SNX14: variants seen among roughly 807,000 people sequenced by gnomAD.
The protein encoded by SNX14 is sorting nexin 14.
A neutral mutation model predicts 133.8 loss-of-function variants in SNX14; 93 were observed. The observed-to-expected ratio is 0.70, with a 90% CI of 0.59 to 0.83. The LOEUF (loss-of-function observed/expected upper bound fraction) is 0.83. Among genes scored for constraint, SNX14 ranks in the 40% least tolerant of loss-of-function variants. The pLI is 0.00. For missense variants in SNX14, 945 were observed against 1,094.9 expected (o/e 0.86, Z 1.93); for synonymous variants, 368 against 365.6 (o/e 1.01, Z -0.07).
intron 7 of SNX14, among the ~76,000 whole-genome samples, chr6:85,557,037 C>G (rs1200317859): frequency 6.6e-6 from 1 of 152,146 alleles, no homozygotes; most frequent in Non-Finnish European, 1.5e-5. Context: ...AGCTATTTCA[C>G]TGCTGTAGGA....
chr6:85,548,610 T>C (rs1026766714), intron 8 of SNX14, among the ~76,000 whole-genome samples: 24 of 152,104 alleles, frequency 1.6e-4, no homozygotes, highest in East Asian at 3.8e-4. Flanking sequence ...TTGGCTAAAA[T>C]AGAATATTAC....
chr6:85,529,280 G>C (rs1220513719), intron 19 of SNX14, among the ~76,000 whole-genome samples: 1 of 145,224 alleles, frequency 6.9e-6, no homozygotes, highest in Non-Finnish European at 1.5e-5. Flanking sequence ...AATGAAGGAA[G>C]GAAGGAAATA....
chr6:85,544,370 G>A (rs563889116), intron 12 of SNX14, among the ~76,000 whole-genome samples: 144 of 152,014 alleles, frequency 9.5e-4, no homozygotes, highest in African/African-American at 3.3e-3. Flanking sequence ...AAAAAAAGCT[G>A]GAATACAGGA....
chr6:85,575,973 TA>T (rs1797195043), intron 1 of SNX14, among the ~76,000 whole-genome samples: 1 of 152,246 alleles, frequency 6.6e-6, no homozygotes, highest in Non-Finnish European at 1.5e-5. Flanking sequence ...TATAACACTT[TA>T]ATTCTCAATG....
At chr6:85,533,845 T>C (rs1440680807) in intron 17 of SNX14, 45 bp from the exon 18 acceptor site, 1 of 1,471,044 alleles carries the variant, frequency 6.8e-7, no homozygotes, top group African/African-American at 1.4e-5. Context: ...CCAATACCTT[T>C]AGAACTACAG....
intron 7 of SNX14, among the ~76,000 whole-genome samples, chr6:85,556,740 A>G (rs1388764595): frequency 1.3e-5 from 2 of 152,138 alleles, no homozygotes; most frequent in Non-Finnish European, 2.9e-5. Flanking sequence ...GGCATGAGCC[A>G]CCATGCTCAC....
intron 1 of SNX14, among the ~76,000 whole-genome samples, chr6:85,580,385 G>A (rs914368534): frequency 4.6e-5 from 7 of 152,132 alleles, no homozygotes; most frequent in African/African-American, 1.2e-4. Context: ...GAGGTATGCC[G>A]GCCTCAGGTG....
At position 85,514,125 on chromosome 6, in the gene SNX14, T is replaced by C. The variant is rs767555932; in HGVS notation, c.2502A>G (p.Lys834=). Residue 834 remains lysine, a synonymous_variant, in exon 25 of 29, where the codon AAA becomes AAG. Transcript: ENST00000314673. ...GGTGCTCCTGAAATAGCTGTTCTAG[T>C]TTACACTGAAGATAGTAATCAGTAT... ...EMYTDYYLQC[K]LEQLFQEHRL... is the part of the protein sequence containing the mutation. 6.2e-7 allele frequency: 1 copy of C among 1,613,982 alleles called. No individual in the cohort carries two copies. Among genetic ancestry groups the C allele is most frequent in the Non-Finnish European group, 8.5e-7 (1 of 1,179,932 alleles).
chr6:85,517,312 G>A (rs1343329518), intron 23 of SNX14, among the ~76,000 whole-genome samples: 1 of 152,162 alleles, frequency 6.6e-6, no homozygotes, highest in South Asian at 2.1e-4. Context: ...TGAGGACAAG[G>A]AATGTATCCT....
At chr6:85,543,157 A>G in intron 14 of SNX14, 25 bp downstream of exon 14, 1 of 1,505,566 alleles carries the variant, frequency 6.6e-7, no homozygotes, top group Non-Finnish European at 8.8e-7. Context: ...AAAAATCCTC[A>G]AACAAGGTTA....
chr6:85,593,629 C>G lies in SNX14; in HGVS notation c.90G>C (p.Leu30=), dbSNP rs1489679558. The change falls in exon 1 of 29, where the codon CTG becomes CTC. Residue 30 remains leucine (L), a synonymous_variant. Transcript: ENST00000314673. ...TGAGACAGAGCAGCAGGAAGCAGAA[C>G]AGCGGGTACTGGCGGCAGATCTCGC... ...VGREICRQYP[L]FCFLLLCLSA... 4 of 1,613,520 alleles carry G rather than the reference C, an allele frequency of 2.5e-6. No homozygotes were observed. Among genetic ancestry groups the G allele is most frequent in the East Asian group, 2.2e-5 (1 of 44,870 alleles).
chr6:85,554,764 A>T (rs991904627), intron 7 of SNX14, among the ~76,000 whole-genome samples: 1 of 152,164 alleles, frequency 6.6e-6, no homozygotes, highest in Non-Finnish European at 1.5e-5. Flanking sequence ...CCCCTCTCAC[A>T]AAAATTCAAT....
In SNX14 at chr6:85,593,838, A is replaced by T; in HGVS notation, c.-120T>A. ...GCGGCGCACACAGACGCCTACCGGC[A>T]GTTAGCCGCCGCAGGCTGAGGTCGC... On this transcript the variant is annotated 5_prime_UTR_variant, in exon 1 of 29. Coordinates refer to ENST00000314673, the MANE Select transcript of SNX14 (RefSeq NM_153816.6). The T allele has an allele frequency of 6.6e-7, 1 of 1,511,490 alleles. No individual in the cohort carries two copies. Among genetic ancestry groups the T allele is most frequent in the Non-Finnish European group, 8.8e-7 (1 of 1,134,782 alleles). The allele number at this position is 1,511,490 out of a possible 1,614,324, so 93.6% of individuals were successfully genotyped here. A position where few individuals can be genotyped will look rare whatever the true frequency, so the allele number is the denominator to read the frequency against.
At position 85,548,429 on chromosome 6, in the gene SNX14, T is replaced by C. The variant is rs186772703; in HGVS notation, c.792-53A>G. ...TATATTTAGTGATTTATATTAGTTCTTAACTTTCAAGTGCATGTGAATTAC... is the reference window on the plus strand; with the variant it reads ...TATATTTAGTGATTTATATTAGTTCCTAACTTTCAAGTGCATGTGAATTAC... On this transcript the variant is annotated intron_variant, in intron 8 of 28. Transcript: ENST00000314673. 1.2e-5 allele frequency: 16 copies of C among 1,364,220 alleles called. No homozygotes were observed. The East Asian group carries it at 3.7e-4, about 32-fold the overall frequency. The allele number at this position is 1,364,220 out of a possible 1,614,324, so 84.5% of individuals were successfully genotyped here.
chr6:85,517,570 A>C, intron 23 of SNX14, 186 bp downstream of exon 23: 6 of 518,438 alleles, frequency 1.2e-5, no homozygotes, highest in Non-Finnish European at 1.8e-5. Flanking sequence ...CATTTACCAC[A>C]TTAAAGCAAA....
chr6:85,584,912 G>T (rs1219423731), intron 1 of SNX14, among the ~76,000 whole-genome samples: 1 of 152,158 alleles, frequency 6.6e-6, no homozygotes. Flanking sequence ...TATACCCAAA[G>T]AATTATAAAT....
intron 26 of SNX14, among the ~76,000 whole-genome samples, chr6:85,510,396 T>G (rs1436014028): frequency 1.3e-5 from 2 of 152,198 alleles, no homozygotes; most frequent in Non-Finnish European, 2.9e-5. Context: ...TAGAACATCT[T>G]TTCATATGCT....
intron 23 of SNX14, among the ~76,000 whole-genome samples, chr6:85,515,816 C>T (rs1049987736): frequency 2.6e-5 from 4 of 151,570 alleles, no homozygotes; most frequent in South Asian, 2.1e-4. Flanking sequence ...GTCTGGAAAA[C>T]GGGAAAAACA....
At position 85,536,898 on chromosome 6, in the gene SNX14, A is replaced by G. The variant is rs1228694376; in HGVS notation, c.1502T>C (p.Phe501Ser). 6.2e-7 allele frequency: 1 copy of G among 1,613,206 alleles called. No individual in the cohort carries two copies. The highest frequency in any genetic ancestry group is 1.1e-5 in the South Asian group (1 of 91,016). Residue 501 changes from phenylalanine to serine, a missense_variant, in exon 17 of 29, where the codon TTT (phenylalanine) becomes TCT (serine). Physicochemically the swap from Phe to Ser is radical, Grantham distance 155 (BLOSUM62 -2). Around this residue, in one of 3 missense-constraint regions of SNX14, gnomAD observed 412 missense variants for 516.6 expected, o/e 0.80. Transcript: ENST00000314673. ...FRNTQKRGES[F>S]GISRIGSKIK... The stretch of plus-strand genomic sequence containing the variant: ...TTTGCTACCTATTCTGCTGATTCCA[A>G]ATGATTCTCCCCTTTTCTGTGTGTT...
Sources: gnomAD v4.1 joint callset for allele counts (sites outside exome capture counted in the v4.1 genomes callset) on GRCh38, gnomAD v4.1.1 for gene constraint, gnomAD v4.1.1 regional missense constraint, MANE v1.5 for transcripts, NCBI Gene and HGNC (gene_info 2026-07-23, HGNC 2026-07-21) for gene names.